ANK2: variants seen among roughly 807,000 people sequenced by gnomAD.
ANK2 encodes ankyrin-2.
Under a neutral mutation model 360.5 loss-of-function variants are expected in ANK2, and 83 were observed. That is an observed-to-expected ratio of 0.23 (90% CI 0.19 to 0.28). The LOEUF is 0.28. ANK2 is among the 10% of genes least tolerant of loss of function. The probability of loss-of-function intolerance (pLI) is 1.00; values close to 1 mark genes in which losing one functional copy is unlikely to be tolerated. For synonymous variants in ANK2, 1,740 were observed against 1,759.5 expected (o/e 0.99, Z 0.28); for missense variants, 4,201 against 4,795.7 (o/e 0.88, Z 3.66).
At chr4:113,078,954 C>A (rs1194712007) in intron 1 of ANK2, among the ~76,000 whole-genome samples, 7 of 152,034 alleles carry the variant, frequency 4.6e-5, no homozygotes, top group Non-Finnish European at 1.0e-4. Context: ...AAGATAGTTG[C>A]AAATATGAAA....
Position 113,354,248 on chromosome 4 carries a change from A to G in ANK2, c.5630A>G (p.Lys1877Arg). 6.2e-7 allele frequency: 1 copy of G among 1,614,054 alleles called. No individual in the cohort carries two copies. Among genetic ancestry groups the G allele is most frequent in the Non-Finnish European group, 8.5e-7 (1 of 1,179,982 alleles). ...GCGTCATCATCGAGTAAAACTGAGA[A>G]ACACTCACCTGTATCACCCTCGACA... ...SPASSSSKTE[K>R]HSPVSPSTKT... Residue 1877 changes from lysine (K) to arginine (R), a missense_variant, in exon 38 of 46, where the codon AAA (lysine) becomes AGA (arginine). Physicochemically the swap from Lys to Arg is conservative, Grantham distance 26. This residue lies in a region of ANK2 where 2,642 missense variants were observed against 2,714.5 expected (regional missense o/e 0.97). Coordinates refer to ENST00000357077, the MANE Select transcript of ANK2 (RefSeq NM_001148.6).
intron 1 of ANK2, among the ~76,000 whole-genome samples, chr4:113,136,596 C>T (rs954709942): frequency 5.9e-5 from 9 of 151,954 alleles, no homozygotes; most frequent in Admixed American, 3.9e-4. Context: ...GTGGTAGAAT[C>T]GCTTGAGCCG....
intron 1 of ANK2, among the ~76,000 whole-genome samples, chr4:112,835,407 A>G (rs1179060442): frequency 6.6e-6 from 1 of 152,114 alleles, no homozygotes; most frequent in African/African-American, 2.4e-5. Flanking sequence ...TATTTTTTCC[A>G]ACTGTATTTT....
intron 14 of ANK2, 123 bp from the exon 15 acceptor site, chr4:113,274,329 G>T: frequency 9.2e-7 from 1 of 1,087,874 alleles, no homozygotes; most frequent in Non-Finnish European, 1.4e-6. Flanking sequence ...AAGCAGTAAT[G>T]ATTTTCTTTT....
chr4:113,237,234 G>T (rs554735619), intron 6 of ANK2, 62 bp downstream of exon 6: 4 of 1,546,412 alleles, frequency 2.6e-6, no homozygotes, highest in Non-Finnish European at 3.6e-6. Context: ...CCTCCTGGGG[G>T]ATGATAAAGA....
chr4:113,181,872 G>C (rs766861461), intron 2 of ANK2, among the ~76,000 whole-genome samples: 1 of 152,136 alleles, frequency 6.6e-6, no homozygotes, highest in Non-Finnish European at 1.5e-5. Context: ...GTCATGTAAG[G>C]CCTTGTGGGC....
the ANK2 span, among the ~76,000 whole-genome samples, chr4:112,734,540 A>G: frequency 6.6e-6 from 1 of 152,200 alleles, no homozygotes; most frequent in African/African-American, 2.4e-5. Context: ...AATGAAAGGC[A>G]AGTTGCCTGC....
At chr4:113,121,869 C>A (rs1163603018) in intron 1 of ANK2, among the ~76,000 whole-genome samples, 1 of 151,924 alleles carries the variant, frequency 6.6e-6, no homozygotes, top group Admixed American at 6.6e-5. Context: ...TCTCCCCCCC[C>A]ACCACATTCT....
the ANK2 span, among the ~76,000 whole-genome samples, chr4:112,760,256 G>T: frequency 0.02 from 3,064 of 150,482 alleles, 111 homozygotes; most frequent in African/African-American, 0.071. Flanking sequence ...GCGCGATATC[G>T]GCTCACTGCA....
rs898435226 is a variant in ANK2, at chr4:113,356,864, C to T, written c.8246C>T (p.Ala2749Val). Residue 2749 changes from alanine (A) to valine (V), a missense_variant, in exon 38 of 46, where the codon GCT (alanine) becomes GTT (valine). Physicochemically the swap from Ala to Val is moderately conservative, Grantham distance 64 (BLOSUM62 0). Coordinates refer to ENST00000357077, the MANE Select transcript of ANK2 (RefSeq NM_001148.6). Reference protein sequence around the residue: ...SESHLAEDRHAVSTEAEDRSY... With the variant: ...SESHLAEDRHVVSTEAEDRSY... ...TCCCATTTAGCTGAAGACCGTCATG[C>T]TGTTTCCACTGAGGCTGAAGACAGG... 7 of 1,613,920 alleles carry T rather than the reference C, an allele frequency of 4.3e-6. No homozygotes were observed. In the African/African-American group the frequency reaches 9.3e-5, roughly 22 times the overall value.
At chr4:113,033,684 A>G (rs1195176287) in intron 2 of ANK2, 1 of 151,914 alleles carries the variant, frequency 6.6e-6, no homozygotes, top group African/African-American at 2.4e-5. Flanking sequence ...CCGTTATCCA[A>G]TATTATGAAG....
At chr4:112,978,634 C>A (rs11943958) in intron 2 of ANK2, among the ~76,000 whole-genome samples, 40,373 of 152,010 alleles carry the variant, frequency 0.27, 5,716 homozygotes, top group East Asian at 0.43. Context: ...GTTTATCGAC[C>A]TTGTGGCATG....
chr4:112,870,337 A>G (rs1200015818), intron 1 of ANK2, among the ~76,000 whole-genome samples: 5 of 152,172 alleles, frequency 3.3e-5, no homozygotes, highest in Non-Finnish European at 7.3e-5. Flanking sequence ...AGTCATCTAC[A>G]ATGCTTGCAC....
intron 1 of ANK2, among the ~76,000 whole-genome samples, chr4:112,899,995 C>T (rs978027624): frequency 2.6e-5 from 4 of 152,064 alleles, no homozygotes; most frequent in Non-Finnish European, 5.9e-5. Context: ...GTATTACTGG[C>T]CACATTTCAT....
chr4:112,748,996 T>G, the ANK2 span, among the ~76,000 whole-genome samples: 3 of 152,148 alleles, frequency 2.0e-5, no homozygotes, highest in African/African-American at 7.2e-5. Flanking sequence ...GCCTTCCGGG[T>G]TCAAGCCATT....
In ANK2 at chr4:113,369,750, C is replaced by A. The variant is rs786205739; in HGVS notation, c.11555C>A (p.Ala3852Asp). ...ACCAGCCTCGTAATAGTGGAGTCTG[C>A]CGATAACCAGCCTGAGACCTGTGAA... ...RKTSLVIVES[A>D]DNQPETCERL... Residue 3852 changes from alanine (A) to aspartate (D), a missense_variant, in exon 43 of 46, where the codon GCC becomes GAC. Coordinates refer to ENST00000357077, the MANE Select transcript of ANK2 (RefSeq NM_001148.6). 2 of 1,614,064 alleles carry A rather than the reference C, an allele frequency of 1.2e-6. No individual in the cohort carries two copies. The highest frequency in any genetic ancestry group is 2.2e-5 in the South Asian group (2 of 91,066).
At chr4:113,216,516 T>C (rs1253729207) in intron 4 of ANK2, among the ~76,000 whole-genome samples, 1 of 152,228 alleles carries the variant, frequency 6.6e-6, no homozygotes, top group East Asian at 1.9e-4. Context: ...TGAAATGCCT[T>C]ATGAAGGCAA....
At chr4:112,973,165 A>G (rs1250429585) in intron 2 of ANK2, among the ~76,000 whole-genome samples, 2 of 150,314 alleles carry the variant, frequency 1.3e-5, no homozygotes, top group African/African-American at 4.9e-5. Context: ...TCCAAAAACT[A>G]TTGAAATAAA....
chr4:112,876,131 C>A (rs766546419), intron 1 of ANK2, among the ~76,000 whole-genome samples: 9 of 151,788 alleles, frequency 5.9e-5, no homozygotes, highest in Admixed American at 1.3e-4. Context: ...TGAATATAAT[C>A]AATCCGTTTT....
Sources: gnomAD v4.1 joint callset for allele counts (sites outside exome capture counted in the v4.1 genomes callset) on GRCh38, gnomAD v4.1.1 for gene constraint, gnomAD v4.1.1 regional missense constraint, MANE v1.5 for transcripts, NCBI Gene and HGNC (gene_info 2026-07-23, HGNC 2026-07-21) for gene names.